The following CELF1 variants were observed in gnomAD, a reference collection of about 807,000 sequenced individuals.
CELF1 encodes CUGBP Elav-like family member 1, also known as 50 kDa nuclear polyadenylated RNA-binding protein.
CELF1 carries 10 observed loss-of-function variants against 61.8 expected under a neutral mutation model. The ratio of observed to expected loss-of-function variants is 0.16; its 90% CI spans 0.10 to 0.27. The LOEUF is 0.27. CELF1 is among the 10% of genes least tolerant of loss of function. The probability of loss-of-function intolerance (pLI) is 1.00; values close to 1 mark genes in which losing one functional copy is unlikely to be tolerated. For missense variants in CELF1, 380 were observed against 639.1 expected, an observed-to-expected ratio of 0.59 and a Z score of 4.37; for synonymous variants, 236 against 225.1, an observed-to-expected ratio of 1.05 and a Z score of -0.43.
intron 1 of CELF1, among the ~76,000 whole-genome samples, chr11:47,501,966 CAA>C (rs1485815636): frequency 6.6e-6 from 1 of 152,158 alleles, no homozygotes; most frequent in African/African-American, 2.4e-5. Flanking sequence ...ACATCTATAA[CAA>C]AAGACTACTT....
At chr11:47,502,751 G>C (rs1391264098) in intron 1 of CELF1, among the ~76,000 whole-genome samples, 1 of 152,182 alleles carries the variant, frequency 6.6e-6, no homozygotes, top group Non-Finnish European at 1.5e-5. Context: ...AGAATCACTT[G>C]AACCCGGGAG....
In CELF1 at chr11:47,484,420, C is replaced by T; in HGVS notation, c.495G>A (p.Arg165=). Reference sequence around the variant, plus strand: ...TCAGGCCATCAGGTCCCCGCAATATCCGGCATTCTTCAATCTGTCCAAACG... The same window carrying T: ...TCAGGCCATCAGGTCCCCGCAATATTCGGCATTCTTCAATCTGTCCAAACG... ...FSSFGQIEEC[R]ILRGPDGLSR... The change falls in exon 7 of 15, where the codon CGG becomes CGA. Residue 165 remains arginine, a synonymous_variant. Transcript: ENST00000687097. 6.2e-7 allele frequency: 1 copy of T among 1,613,600 alleles called. No individual in the cohort carries two copies.
chr11:47,493,114 T>C (rs1282682417), intron 3 of CELF1, among the ~76,000 whole-genome samples: 1 of 152,070 alleles, frequency 6.6e-6, no homozygotes, highest in Non-Finnish European at 1.5e-5. Flanking sequence ...TCTAGAGAAA[T>C]GTCATCCTTT....
Position 47,477,108 on chromosome 11 carries a change from T to C in CELF1, c.974-149A>G, listed in dbSNP as rs12289442. ...GTCCTTGCAGGACAGAGACAAATAA[T>C]GGCCACAGCACATTGAAAATCAGGA... On this transcript the variant is annotated intron_variant, in intron 11 of 14. Transcript: ENST00000687097. The C allele has an allele frequency of 7.9e-3, 6,832 of 861,328 alleles. 161 individuals are homozygous for C. Among genetic ancestry groups the C allele is most frequent in the African/African-American group, 0.072 (4,273 of 59,126 alleles). The allele number at this position is 861,328 out of a possible 1,614,324, so 53.4% of individuals were successfully genotyped here. A position where few individuals can be genotyped will look rare whatever the true frequency, so the allele number is the denominator to read the frequency against.
chr11:47,538,204 T>C (rs2096677847), intron 1 of CELF1, among the ~76,000 whole-genome samples: 2 of 152,336 alleles, frequency 1.3e-5, no homozygotes, highest in South Asian at 4.1e-4. Flanking sequence ...TGAGCTACCA[T>C]GCCTGGCCCA....
At chr11:47,532,735 T>C (rs765156225) in intron 1 of CELF1, among the ~76,000 whole-genome samples, 2 of 152,200 alleles carry the variant, frequency 1.3e-5, no homozygotes, top group African/African-American at 4.8e-5. Flanking sequence ...CTGAAGTTTC[T>C]AGCATTTTCA....
chr11:47,503,093 A>C (rs2094126023), intron 1 of CELF1, among the ~76,000 whole-genome samples: 1 of 152,210 alleles, frequency 6.6e-6, no homozygotes, highest in Non-Finnish European at 1.5e-5. Flanking sequence ...AAGCCTGATT[A>C]AGTGAAGGTA....
At chr11:47,534,586 G>C (rs2096582096) in intron 1 of CELF1, among the ~76,000 whole-genome samples, 1 of 151,916 alleles carries the variant, frequency 6.6e-6, no homozygotes, top group South Asian at 2.1e-4. Flanking sequence ...AAATTAGCCG[G>C]GCGTGGTGGT....
Position 47,503,958 on chromosome 11 carries a change from C to A in CELF1, c.-153-3026G>T, listed in dbSNP as rs543148939. ...GGGAGGCCAAGGTGGGCAGACTGTT[C>A]AAGCCCAGGAGTTTGAGACTAGTCT... On this transcript the variant is annotated intron_variant, in intron 1 of 14. Transcript: ENST00000687097. Among the ~76,000 whole-genome samples, 5 of 151,284 alleles carry A rather than the reference C, an allele frequency of 3.3e-5. 1 individual carries two copies. The South Asian group carries it at 1.1e-3, about 32-fold the overall frequency.
At chr11:47,522,111 C>A (rs1161957304) in intron 1 of CELF1, among the ~76,000 whole-genome samples, 1 of 151,974 alleles carries the variant, frequency 6.6e-6, no homozygotes, top group African/African-American at 2.4e-5. Flanking sequence ...CGGGGTTTCT[C>A]CATGTTGGTC....
intron 6 of CELF1, among the ~76,000 whole-genome samples, chr11:47,485,568 A>C (rs2086258757): frequency 6.7e-6 from 1 of 150,054 alleles, no homozygotes; most frequent in African/African-American, 2.5e-5. Context: ...AGTGAATGTA[A>C]CTGTCTACTT....
intron 1 of CELF1, among the ~76,000 whole-genome samples, chr11:47,514,692 C>CAAAAAAAA (rs34636337): frequency 9.4e-6 from 1 of 106,100 alleles, no homozygotes; most frequent in Non-Finnish European, 1.8e-5. Flanking sequence ...CCTATCTCTA[C>CAAAAAAAA]AAAAAAAAAA....
chr11:47,494,340 T>C (rs1596786762), intron 3 of CELF1: 4 of 955,946 alleles, frequency 4.2e-6, no homozygotes, highest in East Asian at 1.1e-4. Flanking sequence ...CCTGAGGAGG[T>C]AGTTACTCTC....
intron 3 of CELF1, among the ~76,000 whole-genome samples, chr11:47,490,975 C>A (rs2091169474): frequency 1.3e-5 from 2 of 151,570 alleles, no homozygotes; most frequent in African/African-American, 4.9e-5. Context: ...GATTTTCCTG[C>A]CTTAGCCTCC....
intron 9 of CELF1, among the ~76,000 whole-genome samples, chr11:47,480,398 A>G (rs1737000733): frequency 6.6e-6 from 1 of 152,102 alleles, no homozygotes; most frequent in Non-Finnish European, 1.5e-5. Context: ...TTTTCTTCTT[A>G]AACACCTTGG....
At chr11:47,477,458 G>C (rs1490044478) in intron 10 of CELF1, 33 bp from the exon 11 acceptor site, 1 of 1,609,012 alleles carries the variant, frequency 6.2e-7, no homozygotes, top group South Asian at 1.1e-5. Flanking sequence ...TTAGCCAGCA[G>C]ATAAGGGTGC....
rs373407024 is a variant in CELF1, at chr11:47,484,423, G to A, written c.492C>T (p.Cys164=). ...GGCCATCAGGTCCCCGCAATATCCG[G>A]CATTCTTCAATCTGTCCAAACGAAG... ...MFSSFGQIEE[C]RILRGPDGLS... The change falls in exon 7 of 15, where the codon TGC becomes TGT. Residue 164 remains cysteine (C), a synonymous_variant. Transcript: ENST00000687097. 65 of 1,613,392 alleles carry A rather than the reference G, an allele frequency of 4.0e-5. No homozygotes were observed. The highest frequency in any genetic ancestry group is 4.9e-5 in the Non-Finnish European group (58 of 1,179,822).
intron 10 of CELF1, chr11:47,477,804 G>C (rs75560668): frequency 1.6e-5 from 3 of 185,054 alleles, no homozygotes; most frequent in Non-Finnish European, 1.2e-5. Context: ...CAGGGGATTC[G>C]CTCTCTGTAA....
At chr11:47,477,542 A>G (rs1397928168) in intron 10 of CELF1, 117 bp from the exon 11 acceptor site, 4 of 1,061,100 alleles carry the variant, frequency 3.8e-6, no homozygotes, top group African/African-American at 1.6e-5. Context: ...ACTGTTCTAG[A>G]TAAGCCTTAC....
Sources: gnomAD v4.1 joint callset for allele counts (sites outside exome capture counted in the v4.1 genomes callset) on GRCh38, gnomAD v4.1.1 for gene constraint, MANE v1.5 for transcripts, NCBI Gene and HGNC (gene_info 2026-07-23, HGNC 2026-07-21) for gene names.